OTUD7B: variants seen among roughly 807,000 people sequenced by gnomAD.
The protein encoded by OTUD7B is OTU deubiquitinase 7B.
Under a neutral mutation model 82.2 loss-of-function variants are expected in OTUD7B, and 34 were observed. The observed-to-expected ratio is 0.41, with a 90% CI of 0.31 to 0.55. The LOEUF is 0.55. OTUD7B is among the 20% of genes least tolerant of loss of function. The pLI is 0.20. For missense variants in OTUD7B, 944 were observed against 1,062.1 expected, an observed-to-expected ratio of 0.89 and a Z score of 1.55; for synonymous variants, 398 against 402.7, an observed-to-expected ratio of 0.99 and a Z score of 0.14.
At chr1:150,040,609 T>A in the OTUD7B span, among the ~76,000 whole-genome samples, 1 of 152,230 alleles carries the variant, frequency 6.6e-6, no homozygotes, top group Non-Finnish European at 1.5e-5. Context: ...TCTCATTATT[T>A]TCTATGCTAT....
the OTUD7B span, among the ~76,000 whole-genome samples, chr1:150,030,866 TGCACA>T: frequency 4.6e-5 from 7 of 152,356 alleles, no homozygotes; most frequent in Admixed American, 6.5e-5. Context: ...GTGCAGTTAC[TGCACA>T]GTTTTTCTTG....
intron 1 of OTUD7B, among the ~76,000 whole-genome samples, chr1:149,992,890 C>A (rs963344084): frequency 6.6e-6 from 1 of 152,126 alleles, no homozygotes; most frequent in Non-Finnish European, 1.5e-5. Flanking sequence ...GTGGCTCACG[C>A]CTGTAATCCC....
At chr1:149,988,078 T>C (rs1285241597) in intron 1 of OTUD7B, among the ~76,000 whole-genome samples, 1 of 152,192 alleles carries the variant, frequency 6.6e-6, no homozygotes, top group East Asian at 1.9e-4. Context: ...ATTTTTTTGA[T>C]TATTGGAAGG....
intron 1 of OTUD7B, among the ~76,000 whole-genome samples, chr1:149,996,044 A>C (rs1025054328): frequency 6.6e-6 from 1 of 152,230 alleles, no homozygotes; most frequent in Non-Finnish European, 1.5e-5. Context: ...GAGAGAACTG[A>C]GGGAAAACAA....
At chr1:149,969,432 AG>A (rs1649752182) in intron 3 of OTUD7B, among the ~76,000 whole-genome samples, 1 of 152,182 alleles carries the variant, frequency 6.6e-6, no homozygotes, top group Non-Finnish European at 1.5e-5. Context: ...TCCCTTCCCC[AG>A]AGGCAAACTT....
At chr1:150,005,652 C>A (rs1179955797) in intron 1 of OTUD7B, among the ~76,000 whole-genome samples, 3 of 51,318 alleles carry the variant, frequency 5.8e-5, no homozygotes, top group African/African-American at 2.5e-4. Context: ...GTGGACACTT[C>A]TGCCCATTCC....
the OTUD7B span, among the ~76,000 whole-genome samples, chr1:150,062,342 G>A: frequency 1.3e-5 from 2 of 152,154 alleles, no homozygotes; most frequent in East Asian, 3.8e-4. Context: ...GGTATTATCA[G>A]ACATTTTAAT....
chr1:150,036,684 T>G, the OTUD7B span, among the ~76,000 whole-genome samples: 51 of 152,334 alleles, frequency 3.3e-4, no homozygotes, highest in Admixed American at 1.8e-3. Context: ...GAAAAATTTG[T>G]TTTAATAGAA....
upstream of OTUD7B, among the ~76,000 whole-genome samples, chr1:150,013,930 A>AT (rs1299745309): frequency 2.4e-3 from 7 of 2,962 alleles, no homozygotes; most frequent in Non-Finnish European, 0.021. Flanking sequence ...CAAAAAAAAA[A>AT]AAAAATAATA....
At chr1:149,960,382 T>G (rs1166590172) in intron 6 of OTUD7B, among the ~76,000 whole-genome samples, 3 of 71,722 alleles carry the variant, frequency 4.2e-5, no homozygotes, top group Non-Finnish European at 8.2e-5. Context: ...TCTTTTTCTT[T>G]TCTTTCCTTT....
rs782482971 is a variant in OTUD7B, at chr1:149,950,077, C to T, written c.973+17G>A. On this transcript the variant is annotated intron_variant, in intron 8 of 11. Coordinates refer to ENST00000581312, the MANE Select transcript of OTUD7B (RefSeq NM_020205.4). ...GGGGGTGCTCAGCATGGAGTGAGGA[C>T]TGACTGGCTGACTCACCTTCCCCTC... The T allele has an allele frequency of 2.5e-6, 4 of 1,613,362 alleles. No homozygotes were observed. In the Admixed American group the frequency reaches 6.7e-5, roughly 27 times the overall value.
At chr1:149,980,522 ACCAG>A (rs1650642602) in intron 1 of OTUD7B, among the ~76,000 whole-genome samples, 1 of 151,350 alleles carries the variant, frequency 6.6e-6, no homozygotes, top group South Asian at 2.1e-4. Context: ...GGAGTTTGAA[ACCAG>A]CCAGGCCAAC....
At chr1:150,056,328 C>T in the OTUD7B span, among the ~76,000 whole-genome samples, 3 of 152,060 alleles carry the variant, frequency 2.0e-5, no homozygotes, top group Non-Finnish European at 4.4e-5. Context: ...TTCTGTATCT[C>T]CTTAACATTA....
intron 1 of OTUD7B, among the ~76,000 whole-genome samples, chr1:149,977,889 C>G (rs1650435649): frequency 6.6e-6 from 1 of 152,124 alleles, no homozygotes; most frequent in African/African-American, 2.4e-5. Flanking sequence ...AACAGGCTAC[C>G]ACCCTAAAGA....
chr1:149,945,042 G>A lies in OTUD7B; in HGVS notation c.1347C>T (p.Ser449=), dbSNP rs782268035. Residue 449 remains serine (S), a synonymous_variant, in exon 12 of 12, where the codon TCC becomes TCT. Transcript: ENST00000581312. The part of the protein sequence containing the change: ...DAQAPLAQPE[S]PTASAGDEPR... ...GCTCATCTCCAGCTGAGGCGGTGGG[G>A]GACTCAGGCTGGGCCAGAGGAGCCT... The A allele has an allele frequency of 5.6e-5, 91 of 1,613,746 alleles. No homozygotes were observed. The highest frequency in any genetic ancestry group is 6.9e-5 in the Non-Finnish European group (82 of 1,179,906).
chr1:149,996,258 T>C lies in OTUD7B; in HGVS notation c.-67+14190A>G, dbSNP rs1559862995. 2.0e-5 allele frequency among the ~76,000 whole-genome samples: 3 copies of C among 152,148 alleles called. No homozygotes were observed. The East Asian group carries it at 5.8e-4, about 29-fold the overall frequency. On this transcript the variant is annotated intron_variant, in intron 1 of 11. Transcript: ENST00000581312. ...TGTCCAGTTTATACCCAGGTACAAG[T>C]GAGTGGAGAGGGAGAAGGGAGAGGC...
chr1:149,963,513 C>A (rs1255532629), intron 6 of OTUD7B: 2 of 151,658 alleles, frequency 1.3e-5, no homozygotes, highest in African/African-American at 2.4e-5. Context: ...AAGAAATGCC[C>A]AGGGCTGTAT....
At chr1:150,063,439 G>A in the OTUD7B span, among the ~76,000 whole-genome samples, 5 of 152,226 alleles carry the variant, frequency 3.3e-5, no homozygotes, top group East Asian at 9.6e-4. Flanking sequence ...GACAGAGCAA[G>A]ACCGTCTCAA....
At chr1:149,983,719 G>A (rs1571690299) in intron 1 of OTUD7B, among the ~76,000 whole-genome samples, 1 of 152,080 alleles carries the variant, frequency 6.6e-6, no homozygotes, top group East Asian at 1.9e-4. Flanking sequence ...AAATATAATG[G>A]GAAGCCACTG....
Sources: gnomAD v4.1 joint callset for allele counts (sites outside exome capture counted in the v4.1 genomes callset) on GRCh38, gnomAD v4.1.1 for gene constraint, MANE v1.5 for transcripts, NCBI Gene and HGNC (gene_info 2026-07-23, HGNC 2026-07-21) for gene names.